The following OR52K2 variants were observed in gnomAD, a reference collection of about 807,000 sequenced individuals.
OR52K2 encodes the protein olfactory receptor family 52 subfamily K member 2, also known as olfactory receptor 52K2.
A neutral mutation model predicts 11.4 loss-of-function variants in OR52K2; 10 were observed. The ratio of observed to expected loss-of-function variants is 0.88; its 90% CI spans 0.54 to 1.49. The LOEUF (loss-of-function observed/expected upper bound fraction) is 1.49, where lower values mean the gene tolerates loss of function less well. Among genes scored for constraint, OR52K2 ranks in the 40% most tolerant of loss-of-function variants. The probability of loss-of-function intolerance (pLI) is 0.00; values close to 1 mark genes in which losing one functional copy is unlikely to be tolerated. For missense variants in OR52K2, 465 were observed against 393.3 expected (o/e 1.18, Z -1.54); for synonymous variants, 199 against 151.9 (o/e 1.31, Z -2.28).
In OR52K2 at chr11:4,449,909, G is replaced by A. The variant is rs150771960; in HGVS notation, c.570G>A (p.Ala190=). The A allele has an allele frequency of 1.6e-4, 262 of 1,614,138 alleles. 1 individual carries two copies. In the Admixed American group the frequency reaches 1.8e-3, roughly 11 times the overall value. Residue 190 remains alanine, a synonymous_variant, in exon 1 of 1, where the codon GCG becomes GCA. Transcript: ENST00000325719. ...YCEHMAVVRL[A]CGDTSFNNIY... Reference sequence around the variant, plus strand: ...AACACATGGCTGTGGTGAGGCTGGCGTGTGGGGACACTAGCTTCAACAATA... The same window carrying A: ...AACACATGGCTGTGGTGAGGCTGGCATGTGGGGACACTAGCTTCAACAATA...
rs1846074509 is a variant in OR52K2 at position 4,450,338 on chromosome 11, C to T, written c.*54C>T. Reference sequence around the variant, plus strand: ...CTTGTCTGCTGGAGTTGGAGACAGGCTATGGTAGAATGTGCACGGCTGCCA... The same window carrying T: ...CTTGTCTGCTGGAGTTGGAGACAGGTTATGGTAGAATGTGCACGGCTGCCA... On this transcript the variant is annotated 3_prime_UTR_variant, in exon 1 of 1. Transcript: ENST00000325719. 7.8e-7 allele frequency: 1 copy of T among 1,289,598 alleles called. No homozygotes were observed. The allele number at this position is 1,289,598 out of a possible 1,614,324, so 79.9% of individuals were successfully genotyped here. A position where few individuals can be genotyped will look rare whatever the true frequency, so the allele number is the denominator to read the frequency against.
chr11:4,449,962 T>C lies in OR52K2; in HGVS notation c.623T>C (p.Ile208Thr). ...NIYGIAVAMF[I>T]VVLDLLLVIL... ...TATGGCATCGCTGTGGCCATGTTTA[T>C]TGTGGTGTTGGACCTGCTCCTTGTT... is the stretch of plus-strand genomic sequence containing the variant. The change falls in exon 1 of 1, where the codon ATT becomes ACT. Residue 208 changes from isoleucine (I) to threonine (T), a missense_variant. Coordinates refer to ENST00000325719, the MANE Select transcript of OR52K2 (RefSeq NM_001005172.2). The C allele has an allele frequency of 6.2e-7, 1 of 1,614,194 alleles. No homozygotes were observed. Among genetic ancestry groups the C allele is most frequent in the African/African-American group, 1.3e-5 (1 of 75,044 alleles).
At position 4,449,720 on chromosome 11, in the gene OR52K2, T is replaced by C. The variant is rs61747517; in HGVS notation, c.381T>C (p.Ala127=). Residue 127 remains alanine, a synonymous_variant, in exon 1 of 1, where the codon GCT becomes GCC. Transcript: ENST00000325719. ...CCATGGCCTTTGACCGCTATGTGGC[T>C]ATCTGCAAGCCACTGCACTACACCA... ...LLAMAFDRYV[A]ICKPLHYTKV... The C allele has an allele frequency of 7.1e-4, 1,145 of 1,614,096 alleles. 4 individuals carry two copies. The highest frequency in any genetic ancestry group is 5.6e-3 in the African/African-American group (420 of 75,054).
At position 4,450,257 on chromosome 11, in the gene OR52K2, G is replaced by A. The variant is rs1400462759; in HGVS notation, c.918G>A (p.Leu306=). 6.2e-7 allele frequency: 1 copy of A among 1,613,272 alleles called. No individual in the cohort carries two copies. The highest frequency in any genetic ancestry group is 2.2e-5 in the East Asian group (1 of 44,878). ...VKTKQIRESI[L]GVFPRKDM ...CCAAGCAAATCCGTGAGAGCATCTT[G>A]GGAGTATTCCCAAGAAAGGATATGT... Residue 306 remains leucine, a synonymous_variant, in exon 1 of 1, where the codon TTG becomes TTA. Coordinates refer to ENST00000325719, the MANE Select transcript of OR52K2 (RefSeq NM_001005172.2).
At position 4,449,506 on chromosome 11, in the gene OR52K2, C is replaced by G. The variant is rs752821292; in HGVS notation, c.167C>G (p.Ala56Gly). The part of the protein sequence containing the change: ...TLLLIIQADA[A>G]LHEPMYLFLA... ...CTTCTCATCATCCAGGCTGATGCAG[C>G]CCTCCATGAACCCATGTACCTCTTT... Residue 56 changes from alanine (A) to glycine (G), a missense_variant, in exon 1 of 1, where the codon GCC becomes GGC. Transcript: ENST00000325719. The G allele has an allele frequency of 1.9e-6, 3 of 1,613,266 alleles. No individual in the cohort carries two copies. The South Asian group carries it at 3.3e-5, about 18-fold the overall frequency.
rs765819163 is a variant in OR52K2 at position 4,449,981 on chromosome 11, C to T, written c.642C>T (p.Leu214=). Reference sequence around the variant, plus strand: ...TGTTTATTGTGGTGTTGGACCTGCTCCTTGTTATCCTGTCTTATATCTTTA... The same window carrying T: ...TGTTTATTGTGGTGTTGGACCTGCTTCTTGTTATCCTGTCTTATATCTTTA... ...VAMFIVVLDL[L]LVILSYIFIL... The change falls in exon 1 of 1, where the codon CTC becomes CTT. Residue 214 remains leucine, a synonymous_variant. Coordinates refer to ENST00000325719, the MANE Select transcript of OR52K2 (RefSeq NM_001005172.2). 4.3e-6 allele frequency: 7 copies of T among 1,614,138 alleles called. No homozygotes were observed. The South Asian group carries it at 7.7e-5, about 18-fold the overall frequency.
At position 4,449,615 on chromosome 11, in the gene OR52K2, G is replaced by A. The variant is rs750228152; in HGVS notation, c.276G>A (p.Arg92=). ...TTGCCATATTCTGGTTCAGGGATCG[G>A]GAGATAAACTTCTTTGCCTGTCTGG... ...KMLAIFWFRD[R]EINFFACLAQ... Residue 92 remains arginine (R), a synonymous_variant, in exon 1 of 1, where the codon CGG becomes CGA. Coordinates refer to ENST00000325719, the MANE Select transcript of OR52K2 (RefSeq NM_001005172.2). 2 of 1,614,132 alleles carry A rather than the reference G, an allele frequency of 1.2e-6. No individual in the cohort carries two copies. Among genetic ancestry groups the A allele is most frequent in the Non-Finnish European group, 1.7e-6 (2 of 1,180,022 alleles).
Position 4,449,924 on chromosome 11 carries a change from C to T in OR52K2, c.585C>T (p.Ser195=). Residue 195 remains serine (S), a synonymous_variant, in exon 1 of 1, where the codon AGC becomes AGT. Transcript: ENST00000325719. ...TGAGGCTGGCGTGTGGGGACACTAGCTTCAACAATATCTATGGCATCGCTG... is the reference window on the plus strand; with the variant it reads ...TGAGGCTGGCGTGTGGGGACACTAGTTTCAACAATATCTATGGCATCGCTG... ...AVVRLACGDT[S]FNNIYGIAVA... is the part of the protein sequence containing the mutation. 1 of 1,614,192 alleles carries T rather than the reference C, an allele frequency of 6.2e-7. No individual in the cohort carries two copies. Among genetic ancestry groups the T allele is most frequent in the Non-Finnish European group, 8.5e-7 (1 of 1,180,046 alleles).
Sources: allele counts gnomAD v4.1 joint callset, GRCh38; gene constraint gnomAD v4.1.1; transcripts MANE v1.5; gene names NCBI Gene and HGNC (gene_info 2026-07-23, HGNC 2026-07-21).